BRCC3: variants seen among roughly 807,000 people sequenced by gnomAD.
BRCC3 encodes the protein lys-63-specific deubiquitinase BRCC36.
A neutral mutation model predicts 28.0 loss-of-function variants in BRCC3; 15 were observed. That is an observed-to-expected ratio of 0.54 (90% CI 0.36 to 0.82). The LOEUF (loss-of-function observed/expected upper bound fraction) is 0.82. Ranked by LOEUF, BRCC3 falls within the 40% of genes least tolerant of loss-of-function variation. The pLI, the probability that BRCC3 is intolerant of heterozygous loss-of-function variation, is 0.01. For synonymous variants in BRCC3, 66 were observed against 80.3 expected (o/e 0.82, Z 0.95); for missense variants, 109 against 225.9 (o/e 0.48, Z 3.32).
intron 5 of BRCC3, among the ~76,000 whole-genome samples, chrX:155,081,357 A>G (rs2074084462): frequency 9.2e-6 from 1 of 108,968 alleles, no homozygotes; most frequent in Non-Finnish European, 1.9e-5. Flanking sequence ...AAAGTACAGT[A>G]ATGAAACTAT....
intron 7 of BRCC3, among the ~76,000 whole-genome samples, chrX:155,091,100 C>T (rs1278410383): frequency 9.0e-5 from 10 of 111,622 alleles, no homozygotes; most frequent in Non-Finnish European, 1.9e-4. Flanking sequence ...CTTTTGTACA[C>T]TTATCCTAAC....
intron 7 of BRCC3, among the ~76,000 whole-genome samples, chrX:155,105,644 T>C (rs782297161): frequency 7.1e-5 from 8 of 112,393 alleles, no homozygotes; most frequent in Non-Finnish European, 1.3e-4. Context: ...TTATTATCCA[T>C]AGGGCTAGTC....
rs782316058 is a variant in BRCC3 at position 155,121,920 on chromosome X, C to T, written c.*716C>T. ...GATGGGAGGAGTGCTTGAGGTTAGG[C>T]GTTCCAGACCAGCCTGGGCAACATA... On this transcript the variant is annotated 3_prime_UTR_variant, in exon 11 of 11. Transcript: ENST00000330045. 2 of 111,582 alleles carry T rather than the reference C, an allele frequency of 1.8e-5. No homozygotes were observed. The highest frequency in any genetic ancestry group is 5.6e-4 in the East Asian group (2 of 3,566). The allele number at this position is 111,582 out of a possible 1,213,427, so 9.2% of individuals were successfully genotyped here.
At chrX:155,108,038 G>A (rs782124320) in intron 7 of BRCC3, among the ~76,000 whole-genome samples, 2 of 111,726 alleles carry the variant, frequency 1.8e-5, no homozygotes, top group African/African-American at 6.5e-5. Flanking sequence ...CAAGGTGAAC[G>A]CCTGTGAAAC....
At chrX:155,094,697 A>G (rs2074198342) in intron 7 of BRCC3, among the ~76,000 whole-genome samples, 1 of 112,158 alleles carries the variant, frequency 8.9e-6, no homozygotes, top group South Asian at 3.7e-4. Context: ...GTATGATCCA[A>G]AGAACACTAC....
At chrX:155,073,510 T>A (rs2074005001) in intron 3 of BRCC3, 79 bp downstream of exon 3, 1 of 1,052,349 alleles carries the variant, frequency 9.5e-7, no homozygotes, top group Admixed American at 2.7e-5. Flanking sequence ...TCAGCCAGAG[T>A]ATGCGGTTTC....
At chrX:155,111,541 G>A (rs1314318391) in intron 7 of BRCC3, among the ~76,000 whole-genome samples, 1 of 111,853 alleles carries the variant, frequency 8.9e-6, no homozygotes, top group Non-Finnish European at 1.9e-5. Flanking sequence ...ATGGTGCTGG[G>A]ACAGCTGGAT....
chrX:155,074,346 C>A (rs914497833), intron 3 of BRCC3, among the ~76,000 whole-genome samples: 6 of 112,314 alleles, frequency 5.3e-5, no homozygotes, highest in Non-Finnish European at 1.1e-4. Flanking sequence ...GCTACAATTA[C>A]TACTCCTTCA....
chrX:155,100,745 A>G (rs1178061530), intron 7 of BRCC3, among the ~76,000 whole-genome samples: 1 of 111,843 alleles, frequency 8.9e-6, no homozygotes, highest in African/African-American at 3.3e-5. Context: ...TCCCTTTGAT[A>G]TTAATAAACA....
chrX:155,071,718 C>T lies in BRCC3; in HGVS notation c.123+68C>T, dbSNP rs147862044. 1.2e-3 allele frequency: 1,347 copies of T among 1,134,280 alleles called. 14 individuals carry two copies. The African/African-American group carries it at 0.02, about 17-fold the overall frequency. 93.5% of individuals were successfully genotyped at this position (1,134,280 alleles called of 1,213,427 possible). On this transcript the variant is annotated intron_variant, in intron 1 of 10. Transcript: ENST00000330045. ...CCCAGTGTGTCCCCGGGGTGGGTGC[C>T]GGCAGCTCCCAGGGCTGCGGAGGCC... is the stretch of plus-strand genomic sequence containing the variant.
At chrX:155,097,857 G>A (rs1017649248) in intron 7 of BRCC3, among the ~76,000 whole-genome samples, 1 of 111,921 alleles carries the variant, frequency 8.9e-6, no homozygotes, top group Non-Finnish European at 1.9e-5. Flanking sequence ...TTAGCTGGGC[G>A]TGGTGGCAGA....
Position 155,071,569 on chromosome X carries a change from C to A in BRCC3, c.42C>A (p.Leu14=). Residue 14 remains leucine (L), a synonymous_variant, in exon 1 of 11, where the codon CTC becomes CTA. Coordinates refer to ENST00000330045, the MANE Select transcript of BRCC3 (RefSeq NM_001018055.3). ...QVVQAVQAVH[L]ESDAFLVCLN... is the part of the protein sequence containing the mutation. The stretch of plus-strand genomic sequence containing the variant: ...TGCAGGCGGTGCAGGCGGTTCATCT[C>A]GAGTCTGACGCTTTCCTCGTTTGTC... 1 of 1,208,026 alleles carries A rather than the reference C, an allele frequency of 8.3e-7. No individual in the cohort carries two copies. Among genetic ancestry groups the A allele is most frequent in the Non-Finnish European group, 1.1e-6 (1 of 893,081 alleles).
chrX:155,118,746 G>A (rs1368365186), intron 9 of BRCC3, among the ~76,000 whole-genome samples: 4 of 111,603 alleles, frequency 3.6e-5, no homozygotes, highest in African/African-American at 9.8e-5. Flanking sequence ...GCCAGTTCTT[G>A]TGGGAACTAA....
chrX:155,072,684 C>T (rs1557292792), intron 2 of BRCC3, among the ~76,000 whole-genome samples: 2 of 111,044 alleles, frequency 1.8e-5, no homozygotes, highest in African/African-American at 6.6e-5. Flanking sequence ...ACTTCAGACT[C>T]CCGAATAGCT....
Position 155,075,291 on chromosome X carries a change from C to CTTTGTCTTCCT in BRCC3, c.195+1860_195+1861insTTTGTCTTCCT, listed in dbSNP as rs1557293383. On this transcript the variant is annotated intron_variant, in intron 3 of 10. Transcript: ENST00000330045. ...TCTGATAATGCTAAGCCCACTCTTT[C>CTTTGTCTTCCT]CCCTGGCCCTTCTTGTTCTTCCCCA... is the stretch of plus-strand genomic sequence containing the variant. Among the ~76,000 whole-genome samples, 277 of 105,322 alleles carry CTTTGTCTTCCT rather than the reference C, an allele frequency of 2.6e-3. 1 individual carries two copies. Among genetic ancestry groups the CTTTGTCTTCCT allele is most frequent in the Middle Eastern group, 9.5e-3 (2 of 210 alleles). The allele number at this position is 105,322 out of a possible 115,157, so 91.5% of individuals were successfully genotyped here.
intron 7 of BRCC3, among the ~76,000 whole-genome samples, chrX:155,112,874 T>G (rs1021634326): frequency 6.3e-5 from 7 of 111,927 alleles, no homozygotes; most frequent in East Asian, 2.8e-4. Context: ...AAAGGAAATT[T>G]AGAAAATCTC....
At chrX:155,077,526 G>A (rs1359078206) in intron 4 of BRCC3, among the ~76,000 whole-genome samples, 4 of 111,638 alleles carry the variant, frequency 3.6e-5, no homozygotes, top group Non-Finnish European at 7.5e-5. Flanking sequence ...CAAACACTGC[G>A]ACAATGAACT....
intron 7 of BRCC3, among the ~76,000 whole-genome samples, chrX:155,107,291 C>T (rs2074290648): frequency 9.1e-6 from 1 of 110,213 alleles, no homozygotes; most frequent in Non-Finnish European, 1.9e-5. Flanking sequence ...TTAAATATAT[C>T]CCATAGATGC....
rs1557295331 is a variant in BRCC3 at position 155,089,336 on chromosome X, A to C, written c.477A>C (p.Glu159Asp). 2 of 1,158,133 alleles carry C rather than the reference A, an allele frequency of 1.7e-6. No individual in the cohort carries two copies. The highest frequency in any genetic ancestry group is 3.8e-5 in the South Asian group (2 of 52,938). Residue 159 changes from glutamate (E) to aspartate (D), a missense_variant, in exon 6 of 11, where the codon GAA becomes GAC. This residue lies in a region of BRCC3 where 50 missense variants were observed against 115.2 expected (regional missense o/e 0.43). Coordinates refer to ENST00000330045, the MANE Select transcript of BRCC3 (RefSeq NM_001018055.3). ...FVGLIFSCFI[E>D]DKNTKTGRVL... ...GACTTATTTTTTCCTGTTTCATAGA[A>C]GATAAGAACACAAAGGTATTGTGTG...
Sources: allele counts gnomAD v4.1 joint callset (sites outside exome capture counted in the v4.1 genomes callset), GRCh38; gene constraint gnomAD v4.1.1; regional missense constraint gnomAD v4.1.1; transcripts MANE v1.5; gene names NCBI Gene and HGNC (gene_info 2026-07-23, HGNC 2026-07-21).